Variants in HID1 observed in about 807,000 individuals in gnomAD.
HID1 encodes the protein protein HID1.
A neutral mutation model predicts 89.7 loss-of-function variants in HID1; 42 were observed. That is an observed-to-expected ratio of 0.47 (90% CI 0.37 to 0.61). The LOEUF (loss-of-function observed/expected upper bound fraction) is 0.61. Ranked by LOEUF, HID1 falls within the 20% of genes least tolerant of loss-of-function variation. The pLI, the probability that HID1 is intolerant of heterozygous loss-of-function variation, is 0.00. For missense variants in HID1, 854 were observed against 1,039.3 expected (o/e 0.82, Z 2.45); for synonymous variants, 442 against 433.8 (o/e 1.02, Z -0.24).
In HID1 at chr17:74,958,563, C is replaced by G; in HGVS notation, c.1241-85G>C. 6.3e-7 allele frequency: 1 copy of G among 1,584,460 alleles called. No individual in the cohort carries two copies. The highest frequency in any genetic ancestry group is 8.6e-7 in the Non-Finnish European group (1 of 1,161,356). ...AGTGACCATTTTGGAGGCCTCCCTC[C>G]TAGGAGGTCAGAGTGCCAGGCCTGA... is the stretch of plus-strand genomic sequence containing the variant. On this transcript the variant is annotated intron_variant, in intron 10 of 18. Coordinates refer to ENST00000425042, the MANE Select transcript of HID1 (RefSeq NM_030630.3). This position sits in a 1 kb window ranked among gnomAD's most constrained non-coding sequence, Gnocchi z 5.2.
chr17:74,963,430 C>T (rs947501820), intron 3 of HID1: 2 of 499,960 alleles, frequency 4.0e-6, no homozygotes, highest in Admixed American at 7.1e-5. Flanking sequence ...GGAGAGAGGA[C>T]AGTGTGGTCC....
intron 16 of HID1, 90 bp from the exon 17 acceptor site, chr17:74,952,450 C>A: frequency 3.4e-6 from 3 of 895,112 alleles, no homozygotes; most frequent in South Asian, 1.4e-5. Context: ...ACAGGCTCCC[C>A]AAGGCAGAAA....
intron 6 of HID1, among the ~76,000 whole-genome samples, chr17:74,961,040 C>T (rs2039472015): frequency 6.6e-6 from 1 of 151,940 alleles, no homozygotes; most frequent in Admixed American, 6.6e-5. Flanking sequence ...CTCCCCGACC[C>T]GGTCTCTAAG....
intron 2 of HID1, chr17:74,964,166 C>G (rs1026469949): frequency 1.7e-6 from 1 of 595,214 alleles, no homozygotes; most frequent in Non-Finnish European, 3.0e-6. Flanking sequence ...ATGGCTGAGG[C>G]CTTGCTAAGT....
rs1254635572 is a variant in HID1, at chr17:74,963,801, A to G, written c.326T>C (p.Phe109Ser). ...RLLTRVLPYIFEDPDWRGFFW... is the reference protein window; with the variant it reads ...RLLTRVLPYISEDPDWRGFFW... ...GAAGCCCCTCCAGTCGGGGTCCTCA[A>G]AGATGTAGGGCAGCACGCGGGTGAG... The change falls in exon 3 of 19, where the codon TTT (phenylalanine) becomes TCT (serine). Residue 109 changes from phenylalanine (F) to serine (S), a missense_variant. Physicochemically the swap from Phe to Ser is radical, Grantham distance 155. Coordinates refer to ENST00000425042, the MANE Select transcript of HID1 (RefSeq NM_030630.3). 3.1e-6 allele frequency: 5 copies of G among 1,614,048 alleles called. No individual in the cohort carries two copies. The Admixed American group carries it at 8.3e-5, about 27-fold the overall frequency.
At chr17:74,963,126 G>A (rs974562271) in intron 3 of HID1, 45 bp from the exon 4 acceptor site, 14 of 1,421,620 alleles carry the variant, frequency 9.8e-6, no homozygotes, top group Non-Finnish European at 1.3e-5. Flanking sequence ...TAGCTGGCCA[G>A]GAAGAGGTGG....
rs1598612215 is a variant in HID1 at position 74,951,166 on chromosome 17, G to A, written c.*404C>T. 5.1e-6 allele frequency: 1 copy of A among 194,456 alleles called. No homozygotes were observed. The highest frequency in any genetic ancestry group is 1.0e-5 in the Non-Finnish European group (1 of 95,830). 12.0% of individuals were successfully genotyped at this position (194,456 alleles called of 1,614,324 possible). ...GGAAGCACCCCCTTACCCTGTCCAG[G>A]CACCTCAAGGGACAGCCCGTGGTTC... On this transcript the variant is annotated 3_prime_UTR_variant, in exon 19 of 19. Coordinates refer to ENST00000425042, the MANE Select transcript of HID1 (RefSeq NM_030630.3).
chr17:74,955,740 A>G (rs531591250), intron 13 of HID1, 52 bp downstream of exon 13: 77 of 1,570,502 alleles, frequency 4.9e-5, no homozygotes, highest in Non-Finnish European at 6.4e-5. Context: ...CTTATGTAGG[A>G]AGTAGGCCCG....
chr17:74,958,902 C>A lies in HID1; in HGVS notation c.1149+9G>T. ...CATCTCCCTGCAGGGCCCCTCGAGG[C>A]TGGCCCACCTTGTTGAAGTCGCAGA... On this transcript the variant is annotated intron_variant, in intron 9 of 18. Coordinates refer to ENST00000425042, the MANE Select transcript of HID1 (RefSeq NM_030630.3). This position sits in a 1 kb window ranked among gnomAD's most constrained non-coding sequence, Gnocchi z 5.2. 6.3e-7 allele frequency: 1 copy of A among 1,585,720 alleles called. No homozygotes were observed.
chr17:74,952,114 G>C, intron 17 of HID1, 51 bp from the exon 18 acceptor site: 7 of 1,539,640 alleles, frequency 4.5e-6, no homozygotes, highest in Non-Finnish European at 6.1e-6. Context: ...AGGGGAGCAC[G>C]GGGCTCACCC....
In HID1 at chr17:74,952,300, C is replaced by G. The variant is rs761346627; in HGVS notation, c.2113G>C (p.Val705Leu). 1 of 1,613,858 alleles carries G rather than the reference C, an allele frequency of 6.2e-7. No individual in the cohort carries two copies. The highest frequency in any genetic ancestry group is 8.5e-7 in the Non-Finnish European group (1 of 1,179,906). Residue 705 changes from valine to leucine, a missense_variant, in exon 17 of 19, where the codon GTT becomes CTT. Transcript: ENST00000425042. The stretch of plus-strand genomic sequence containing the variant: ...ATGCAGATCTTCTCCACCTGCGGAA[C>G]CAGCACCTGCAGCAGCCTCATGATG... ...QTIMRLLQVL[V>L]PQVEKICIDK... is the part of the protein sequence containing the mutation.
In HID1 at chr17:74,959,122, C is replaced by CA; in HGVS notation, c.1009-72_1009-71insT. 1 of 1,450,670 alleles carries CA rather than the reference C, an allele frequency of 6.9e-7. No individual in the cohort carries two copies. The highest frequency in any genetic ancestry group is 9.1e-7 in the Non-Finnish European group (1 of 1,099,142). The allele number at this position is 1,450,670 out of a possible 1,614,324, so 89.9% of individuals were successfully genotyped here. On this transcript the variant is annotated intron_variant, in intron 8 of 18. Transcript: ENST00000425042. The surrounding 1 kb of genome is among the most constrained non-coding windows in gnomAD (Gnocchi z 4.6). The stretch of plus-strand genomic sequence containing the variant: ...CAGCTCCAGTTTCCCAGCCCAGGCC[C>CA]CCAACAAATCCCCCCCTCCATCCCC...
chr17:74,972,183 G>A lies in HID1; in HGVS notation c.66+408C>T, dbSNP rs2039658124. On this transcript the variant is annotated intron_variant, in intron 1 of 18. Coordinates refer to ENST00000425042, the MANE Select transcript of HID1 (RefSeq NM_030630.3). The surrounding 1 kb of genome is among the most constrained non-coding windows in gnomAD (Gnocchi z 6.4). ...TGCATTGAGTCAACAGGGACTGTGC[G>A]TCCGGGACCCGCGGGCAATGAGGGG... Among the ~76,000 whole-genome samples the A allele has an allele frequency of 6.6e-6, 1 of 151,800 alleles. No homozygotes were observed. The highest frequency in any genetic ancestry group is 2.0e-4 in the East Asian group (1 of 5,116).
Position 74,959,452 on chromosome 17 carries a change from T to C in HID1, c.1009-401A>G, listed in dbSNP as rs2039445909. On this transcript the variant is annotated intron_variant, in intron 8 of 18. Coordinates refer to ENST00000425042, the MANE Select transcript of HID1 (RefSeq NM_030630.3). The surrounding 1 kb of genome is among the most constrained non-coding windows in gnomAD (Gnocchi z 4.6). ...TCACCCCATCACAACTCGAGGAGCA[T>C]TCCACTGTTCTGTCATTTACTGAGG... is the stretch of plus-strand genomic sequence containing the variant. Among the ~76,000 whole-genome samples, 1 of 152,100 alleles carries C rather than the reference T, an allele frequency of 6.6e-6. No individual in the cohort carries two copies. The highest frequency in any genetic ancestry group is 2.4e-5 in the African/African-American group (1 of 41,402).
At chr17:74,963,304 G>A in intron 3 of HID1, 1 of 545,700 alleles carries the variant, frequency 1.8e-6, no homozygotes, top group Non-Finnish European at 3.3e-6. Context: ...CTCCCCTACT[G>A]ACTGGAGGGG....
rs142520281 is a variant in HID1 at position 74,956,914 on chromosome 17, C to T, written c.1472-958G>A. On this transcript the variant is annotated intron_variant, in intron 12 of 18. Transcript: ENST00000425042. ...AAAGGCAGAAAGGGTGGGGCCTCCACATCCCCATACACTGTGACTCCAAAT... is the reference window on the plus strand; with the variant it reads ...AAAGGCAGAAAGGGTGGGGCCTCCATATCCCCATACACTGTGACTCCAAAT... Among the ~76,000 whole-genome samples the T allele has an allele frequency of 4.6e-5, 7 of 152,354 alleles. No individual in the cohort carries two copies. The South Asian group carries it at 6.2e-4, about 14-fold the overall frequency.
intron 13 of HID1, chr17:74,954,651 G>A (rs1054372246): frequency 5.0e-5 from 25 of 503,676 alleles, no homozygotes; most frequent in Non-Finnish European, 1.1e-5. Flanking sequence ...CTAACACCTG[G>A]CAAAAAGTAC....
At position 74,954,369 on chromosome 17, in the gene HID1, T is replaced by A. The variant is rs1182382028; in HGVS notation, c.1637-4A>T. Reference sequence around the variant, plus strand: ...GCGTAGACCAGGTTGGAGTTGCCTGTGGGCAGGGAGCATGCCTCGCCTCAG... The same window carrying A: ...GCGTAGACCAGGTTGGAGTTGCCTGAGGGCAGGGAGCATGCCTCGCCTCAG... On this transcript the variant is annotated splice_region_variant and splice_polypyrimidine_tract_variant and intron_variant, in intron 13 of 18. Coordinates refer to ENST00000425042, the MANE Select transcript of HID1 (RefSeq NM_030630.3). The A allele has an allele frequency of 1.9e-6, 3 of 1,559,370 alleles. No individual in the cohort carries two copies.
chr17:74,970,197 A>G (rs897176789), intron 1 of HID1, among the ~76,000 whole-genome samples: 36 of 152,166 alleles, frequency 2.4e-4, no homozygotes, highest in African/African-American at 8.4e-4. Context: ...GATTACAGGC[A>G]TGAGCCACCA....
Sources: allele counts gnomAD v4.1 joint callset (sites outside exome capture counted in the v4.1 genomes callset), GRCh38; gene constraint gnomAD v4.1.1; non-coding constraint Gnocchi (gnomAD v3.1); transcripts MANE v1.5; gene names NCBI Gene and HGNC (gene_info 2026-07-23, HGNC 2026-07-21).